MROH2B: variants seen among roughly 807,000 people sequenced by gnomAD.
MROH2B encodes maestro heat like repeat family member 2B, also known as maestro heat-like repeat-containing protein family member 2B.
MROH2B carries 177 observed loss-of-function variants against 208.6 expected under a neutral mutation model. That is an observed-to-expected ratio of 0.85 (90% CI 0.75 to 0.96). MROH2B has a LOEUF of 0.96. MROH2B is among the 40% of genes least tolerant of loss of function. MROH2B has a pLI of 0.00. For synonymous variants in MROH2B, 728 were observed against 659.0 expected (o/e 1.10, Z -1.60); for missense variants, 2,002 against 1,878.7 (o/e 1.07, Z -1.21).
In MROH2B at chr5:40,998,696, C is replaced by T; in HGVS notation, c.4586-19G>A. The T allele has an allele frequency of 6.4e-7, 1 of 1,561,270 alleles. No individual in the cohort carries two copies. Among genetic ancestry groups the T allele is most frequent in the Admixed American group, 1.9e-5 (1 of 52,878 alleles). ...ACGGCATCTAAAGTTAATAGGAGAC[C>T]ATGTTACTGATTTCATTATAGAGGA... is the stretch of plus-strand genomic sequence containing the variant. On this transcript the variant is annotated intron_variant, in intron 40 of 41. Transcript: ENST00000399564.
chr5:41,006,907 A>T (rs1470285495), intron 34 of MROH2B, among the ~76,000 whole-genome samples: 1 of 152,180 alleles, frequency 6.6e-6, no homozygotes, highest in African/African-American at 2.4e-5. Context: ...TGATGGGTGC[A>T]CCAAAATCTC....
chr5:41,061,607 A>G lies in MROH2B; in HGVS notation c.578T>C (p.Ile193Thr), dbSNP rs765428016. 4 of 1,613,762 alleles carry G rather than the reference A, an allele frequency of 2.5e-6. No homozygotes were observed. In the African/African-American group the frequency reaches 4.0e-5, roughly 16 times the overall value. The change falls in exon 6 of 42, where the codon ATA (isoleucine) becomes ACA (threonine). Residue 193 changes from isoleucine (I) to threonine (T), a missense_variant. Coordinates refer to ENST00000399564, the MANE Select transcript of MROH2B (RefSeq NM_173489.5). ...GGCCAAAGGGGCCCACTTCTCCATTATATACCAGAACAGCATGAAGATCTT... is the reference window on the plus strand; with the variant it reads ...GGCCAAAGGGGCCCACTTCTCCATTGTATACCAGAACAGCATGAAGATCTT... ...SDKIFMLFWY[I>T]MEKWAPLASP...
chr5:41,000,392 G>T (rs760354092), intron 38 of MROH2B, 41 bp from the exon 39 acceptor site: 1 of 1,603,468 alleles, frequency 6.2e-7, no homozygotes, highest in South Asian at 1.1e-5. Flanking sequence ...CAGAACGTTA[G>T]GATCTCCTTC....
At chr5:41,065,820 C>T (rs1229305739) in intron 3 of MROH2B, among the ~76,000 whole-genome samples, 2 of 152,116 alleles carry the variant, frequency 1.3e-5, no homozygotes, top group African/African-American at 4.8e-5. Context: ...TGACACCTAC[C>T]AAGAATCTTT....
At chr5:41,031,672 G>A (rs1392773806) in intron 24 of MROH2B, among the ~76,000 whole-genome samples, 2 of 152,006 alleles carry the variant, frequency 1.3e-5, no homozygotes, top group Non-Finnish European at 2.9e-5. Context: ...AGGATTTGGT[G>A]TACAGATTAT....
At chr5:41,049,946 T>C (rs1038991460) in intron 13 of MROH2B, among the ~76,000 whole-genome samples, 1 of 152,196 alleles carries the variant, frequency 6.6e-6, no homozygotes, top group Non-Finnish European at 1.5e-5. Context: ...TAGTATGTTT[T>C]ATGTCCCTTA....
intron 28 of MROH2B, among the ~76,000 whole-genome samples, chr5:41,016,915 T>G (rs1741974627): frequency 6.6e-6 from 1 of 152,162 alleles, no homozygotes; most frequent in Admixed American, 6.5e-5. Context: ...AAGAGTTTTT[T>G]CTTTTCTTTT....
Position 41,019,462 on chromosome 5 carries a change from A to G in MROH2B, c.2442-444T>C, listed in dbSNP as rs146975304. The stretch of plus-strand genomic sequence containing the variant: ...ATTTCACGTCTCTTTTCATGTTCTA[A>G]ATAGTGACACATATACTATAGGTTC... On this transcript the variant is annotated intron_variant, in intron 24 of 41. Coordinates refer to ENST00000399564, the MANE Select transcript of MROH2B (RefSeq NM_173489.5). Among the ~76,000 whole-genome samples the G allele has an allele frequency of 1.5e-3, 233 of 152,344 alleles. 2 individuals carry two copies. Among genetic ancestry groups the G allele is most frequent in the Non-Finnish European group, 2.4e-3 (165 of 68,026 alleles).
chr5:41,068,612 A>G (rs531155939), intron 2 of MROH2B, among the ~76,000 whole-genome samples: 1 of 152,256 alleles, frequency 6.6e-6, no homozygotes, highest in South Asian at 2.1e-4. Flanking sequence ...TTATTCTTTA[A>G]CTAGACTCAT....
At chr5:41,065,836 T>C (rs937884538) in intron 3 of MROH2B, among the ~76,000 whole-genome samples, 1 of 152,166 alleles carries the variant, frequency 6.6e-6, no homozygotes, top group African/African-American at 2.4e-5. Context: ...TCTTTCACCA[T>C]GGTTTTCTAG....
chr5:41,008,621 A>G lies in MROH2B; in HGVS notation c.3593T>C (p.Ile1198Thr), dbSNP rs773618642. ...GGCCGTTTACCTGCAGGGGTCTGGG[A>G]TCTGCTGCTGTTCTCCCTGCTGCAT... ...HVMQQGEQQQIPDPCRLSTAT... is the reference protein window; with the variant it reads ...HVMQQGEQQQTPDPCRLSTAT... The change falls in exon 33 of 42, where the codon ATC (isoleucine) becomes ACC (threonine). Residue 1198 changes from isoleucine to threonine, a missense_variant. Coordinates refer to ENST00000399564, the MANE Select transcript of MROH2B (RefSeq NM_173489.5). 2.5e-6 allele frequency: 4 copies of G among 1,613,706 alleles called. No homozygotes were observed. Among genetic ancestry groups the G allele is most frequent in the Non-Finnish European group, 3.4e-6 (4 of 1,179,802 alleles).
intron 24 of MROH2B, among the ~76,000 whole-genome samples, chr5:41,028,182 T>A (rs996956684): frequency 6.6e-6 from 1 of 152,160 alleles, no homozygotes; most frequent in East Asian, 1.9e-4. Context: ...GATCTTAAAG[T>A]ATATATAAAA....
intron 4 of MROH2B, 142 bp downstream of exon 4, chr5:41,065,189 G>A (rs1013479150): frequency 2.2e-6 from 2 of 889,534 alleles, no homozygotes; most frequent in Non-Finnish European, 3.3e-6. Flanking sequence ...ATTTTAAACA[G>A]CTGCCCACAT....
chr5:41,049,051 T>A lies in MROH2B; in HGVS notation c.1542+50A>T, dbSNP rs1036331726. On this transcript the variant is annotated intron_variant, in intron 15 of 41. Transcript: ENST00000399564. ...TTAGCACTTATTTGGAACTGAACTA[T>A]CCTTATCAGCTTAAATTTGTTCTAC... 7 of 1,536,814 alleles carry A rather than the reference T, an allele frequency of 4.6e-6. No homozygotes were observed. The African/African-American group carries it at 5.5e-5, about 12-fold the overall frequency.
chr5:41,007,022 A>C (rs1387837590), intron 34 of MROH2B, among the ~76,000 whole-genome samples: 1 of 152,256 alleles, frequency 6.6e-6, no homozygotes, highest in Non-Finnish European at 1.5e-5. Context: ...CTGATTAAAA[A>C]AAGTTCAACA....
At chr5:41,027,520 A>G (rs1367553224) in intron 24 of MROH2B, among the ~76,000 whole-genome samples, 1 of 152,210 alleles carries the variant, frequency 6.6e-6, no homozygotes, top group Non-Finnish European at 1.5e-5. Context: ...AATGGCAATC[A>G]TTAAAAAGTC....
At chr5:41,068,311 T>C (rs1404903637) in intron 2 of MROH2B, among the ~76,000 whole-genome samples, 2 of 152,236 alleles carry the variant, frequency 1.3e-5, no homozygotes, top group Admixed American at 1.3e-4. Flanking sequence ...GTGAGTCCTT[T>C]TCTTGCTCCA....
chr5:41,067,926 C>G (rs1042045186), intron 2 of MROH2B, among the ~76,000 whole-genome samples: 2 of 152,120 alleles, frequency 1.3e-5, no homozygotes, highest in Admixed American at 1.3e-4. Context: ...CTGTAACTCC[C>G]CAAGAGGCTG....
chr5:41,012,618 C>G lies in MROH2B; in HGVS notation c.3100G>C (p.Val1034Leu). The G allele has an allele frequency of 6.2e-7, 1 of 1,613,680 alleles. No individual in the cohort carries two copies. ...TKACGIWMIT[V>L]LKQQGAALED... ...AGAGCAGCTCCCTGCTGCTTCAGGA[C>G]AGTGATCATCCATATGCCACAGGCC... Residue 1034 changes from valine to leucine, a missense_variant, in exon 30 of 42, where the codon GTC becomes CTC. Transcript: ENST00000399564.
Sources: allele counts gnomAD v4.1 joint callset (sites outside exome capture counted in the v4.1 genomes callset), GRCh38; gene constraint gnomAD v4.1.1; transcripts MANE v1.5; gene names NCBI Gene and HGNC (gene_info 2026-07-23, HGNC 2026-07-21).